STARD9: variants seen among roughly 807,000 people sequenced by gnomAD.
STARD9 encodes the protein stAR-related lipid transfer protein 9.
In STARD9, 346 loss-of-function variants were observed where a neutral mutation model predicts 399.8. That is an observed-to-expected ratio of 0.87 (90% CI 0.79 to 0.95). The LOEUF (loss-of-function observed/expected upper bound fraction) is 0.95. STARD9 is among the 40% of genes least tolerant of loss of function. STARD9 has a pLI of 0.00. For synonymous variants in STARD9, 2,203 were observed against 2,143.5 expected, an observed-to-expected ratio of 1.03 and a Z score of -0.77; for missense variants, 5,832 against 5,667.5, an observed-to-expected ratio of 1.03 and a Z score of -0.93.
Position 42,693,032 on chromosome 15 carries a change from C to T in STARD9, c.11454C>T (p.His3818=), listed in dbSNP as rs1218092256. The change falls in exon 23 of 33, where the codon CAC becomes CAT. Residue 3818 remains histidine (H), a synonymous_variant. Coordinates refer to ENST00000290607, the MANE Select transcript of STARD9 (RefSeq NM_020759.3). ...KPQSPSIPSS[H]LRFQKAPVGQ... ...AGAGCCCTTCAATACCCTCATCCCA[C>T]TTGAGGTTTCAGAAAGCCCCCGTTG... 7 of 1,537,208 alleles carry T rather than the reference C, an allele frequency of 4.6e-6. No homozygotes were observed. Among genetic ancestry groups the T allele is most frequent in the Admixed American group, 2.0e-5 (1 of 51,000 alleles).
Position 42,669,158 on chromosome 15 carries a change from A to G in STARD9, c.1318A>G (p.Ile440Val), listed in dbSNP as rs1595739319. Residue 440 changes from isoleucine to valine, a missense_variant and splice_region_variant, in exon 16 of 33, where the codon ATA (isoleucine) becomes GTA (valine). Transcript: ENST00000290607. ...CAGATCACCTCCTATACCTCTGCAG[A>G]TAGACCAGCTGACTAAAGACTGGAC... ...KELVLQNELKIDQLTKDWTQK... is the reference protein window; with the variant it reads ...KELVLQNELKVDQLTKDWTQK... The G allele has an allele frequency of 1.3e-6, 2 of 1,532,016 alleles. No homozygotes were observed. The highest frequency in any genetic ancestry group is 2.5e-5 in the East Asian group (1 of 40,730). 94.9% of individuals were successfully genotyped at this position (1,532,016 alleles called of 1,614,324 possible). A position where few individuals can be genotyped will look rare whatever the true frequency, so the allele number is the denominator to read the frequency against.
At chr15:42,639,601 C>G (rs1369357812) in intron 7 of STARD9, among the ~76,000 whole-genome samples, 1 of 152,144 alleles carries the variant, frequency 6.6e-6, no homozygotes, top group African/African-American at 2.4e-5. Context: ...GTGGCTTACG[C>G]CTGTAATCCC....
chr15:42,702,005 A>C (rs1004844665), intron 26 of STARD9, among the ~76,000 whole-genome samples: 1,973 of 151,008 alleles, frequency 0.013, 67 homozygotes, highest in African/African-American at 0.046. Flanking sequence ...AAAAAAAAAA[A>C]AAAAAAAAAA....
chr15:42,686,366 A>G lies in STARD9; in HGVS notation c.4788A>G (p.Ser1596=), dbSNP rs1456253013. 1 of 1,537,440 alleles carries G rather than the reference A, an allele frequency of 6.5e-7. No individual in the cohort carries two copies. Among genetic ancestry groups the G allele is most frequent in the East Asian group, 2.4e-5 (1 of 40,932 alleles). The change falls in exon 23 of 33, where the codon TCA becomes TCG. Residue 1596 remains serine, a synonymous_variant. Coordinates refer to ENST00000290607, the MANE Select transcript of STARD9 (RefSeq NM_020759.3). The stretch of plus-strand genomic sequence containing the variant: ...AAACTTATTCGGCAGACTTAGAATC[A>G]TTGTCTGCTTCTCGATCTACAAATG... ...YDETYSADLE[S]LSASRSTNAQ...
intron 26 of STARD9, among the ~76,000 whole-genome samples, chr15:42,699,682 C>T (rs942941361): frequency 4.0e-5 from 6 of 151,684 alleles, no homozygotes; most frequent in Admixed American, 6.6e-5. Flanking sequence ...CGTGAGCCAC[C>T]GTGCCTGGCT....
chr15:42,669,384 A>G, intron 16 of STARD9, 47 bp downstream of exon 16: 5 of 1,449,070 alleles, frequency 3.5e-6, no homozygotes, highest in Non-Finnish European at 4.6e-6. Flanking sequence ...CTGGTTCCAG[A>G]GGTCAAGGAG....
intron 26 of STARD9, among the ~76,000 whole-genome samples, chr15:42,706,075 AT>A (rs1158801031): frequency 6.6e-6 from 1 of 152,146 alleles, no homozygotes; most frequent in Non-Finnish European, 1.5e-5. Flanking sequence ...TTTATATGAA[AT>A]TTAGGATCAC....
intron 3 of STARD9, among the ~76,000 whole-genome samples, chr15:42,606,372 A>C (rs932172009): frequency 6.6e-6 from 1 of 152,246 alleles, no homozygotes; most frequent in African/African-American, 2.4e-5. Flanking sequence ...ACTATAGGAA[A>C]AGACCAAGAG....
intron 3 of STARD9, among the ~76,000 whole-genome samples, chr15:42,628,955 T>C (rs745520400): frequency 3.9e-5 from 6 of 152,180 alleles, no homozygotes; most frequent in Admixed American, 3.9e-4. Context: ...TTTTTTCTAT[T>C]TCTGTGAAGA....
At chr15:42,663,197 C>T in intron 11 of STARD9, 84 bp from the exon 12 acceptor site, 1 of 1,232,862 alleles carries the variant, frequency 8.1e-7, no homozygotes, top group Non-Finnish European at 1.1e-6. Flanking sequence ...ATACTTAAGT[C>T]TGTGTTCTCC....
intron 3 of STARD9, among the ~76,000 whole-genome samples, chr15:42,588,776 G>GTTTTTTTTTTTT (rs758570571): frequency 1.0e-4 from 4 of 38,414 alleles, no homozygotes; most frequent in East Asian, 2.1e-3. Flanking sequence ...TCTTCACAGC[G>GTTTTTTTTTTTT]TTTTTTTTTT....
rs1206104087 is a variant in STARD9 at position 42,643,932 on chromosome 15, C to T, written c.559+5120C>T. 3.9e-5 allele frequency among the ~76,000 whole-genome samples: 6 copies of T among 152,058 alleles called. No homozygotes were observed. The East Asian group carries it at 1.2e-3, about 29-fold the overall frequency. On this transcript the variant is annotated intron_variant, in intron 7 of 32. Transcript: ENST00000290607. ...AAGTGTGTTTCTTTATTTTTTAACA[C>T]TCAGGGATTTTCTAGTTGTATTTTT...
chr15:42,599,471 C>T (rs1052830170), intron 3 of STARD9, among the ~76,000 whole-genome samples: 1 of 152,132 alleles, frequency 6.6e-6, no homozygotes, highest in Non-Finnish European at 1.5e-5. Flanking sequence ...ATTAATACAT[C>T]TCACCTCTCC....
chr15:42,661,346 T>C, intron 10 of STARD9, 121 bp downstream of exon 10: 2 of 723,256 alleles, frequency 2.8e-6, no homozygotes, highest in Non-Finnish European at 4.6e-6. Context: ...AGAAATAAGC[T>C]CTTTGAATGC....
intron 13 of STARD9, 149 bp downstream of exon 13, chr15:42,664,066 C>T: frequency 1.6e-6 from 1 of 611,338 alleles, no homozygotes; most frequent in East Asian, 2.8e-5. Context: ...CTTTCTTGTA[C>T]TGTCATCTCC....
At chr15:42,708,241 T>C (rs1342962205) in intron 26 of STARD9, among the ~76,000 whole-genome samples, 1 of 152,268 alleles carries the variant, frequency 6.6e-6, no homozygotes, top group African/African-American at 2.4e-5. Context: ...CAGTAGGGGA[T>C]TAGTTATTTG....
In STARD9 at chr15:42,620,194, A is replaced by C. The variant is rs150571784; in HGVS notation, c.235-14662A>C. ...AGAAGCTGAGGCAAAATAAGCAGAA[A>C]GTTTGTTTGGGCCAACTTGAGCATT... On this transcript the variant is annotated intron_variant, in intron 3 of 32. Coordinates refer to ENST00000290607, the MANE Select transcript of STARD9 (RefSeq NM_020759.3). Among the ~76,000 whole-genome samples the C allele has an allele frequency of 1.3e-4, 20 of 152,302 alleles. No individual in the cohort carries two copies. In the East Asian group the frequency reaches 3.7e-3, roughly 28 times the overall value.
intron 3 of STARD9, among the ~76,000 whole-genome samples, chr15:42,607,649 T>TC: frequency 1.2e-5 from 1 of 81,344 alleles, no homozygotes; most frequent in South Asian, 3.8e-4. Context: ...CACACACACT[T>TC]ATACACACAC....
chr15:42,634,678 T>G (rs909605106), intron 3 of STARD9, among the ~76,000 whole-genome samples, 178 bp from the exon 4 acceptor site: 1 of 152,264 alleles, frequency 6.6e-6, no homozygotes, highest in Non-Finnish European at 1.5e-5. Context: ...ACCGGCTGAA[T>G]GAATGAATTT....
Sources: gnomAD v4.1 joint callset for allele counts (sites outside exome capture counted in the v4.1 genomes callset) on GRCh38, gnomAD v4.1.1 for gene constraint, MANE v1.5 for transcripts, NCBI Gene and HGNC (gene_info 2026-07-23, HGNC 2026-07-21) for gene names.